PAK5: variants seen among roughly 807,000 people sequenced by gnomAD.
The protein encoded by PAK5 is serine/threonine-protein kinase PAK 5.
A neutral mutation model predicts 65.9 loss-of-function variants in PAK5; 16 were observed. The observed-to-expected ratio is 0.24, with a 90% CI of 0.16 to 0.37. The LOEUF is 0.37. Among genes scored for constraint, PAK5 ranks in the 10% least tolerant of loss-of-function variants. The pLI, the probability that PAK5 is intolerant of heterozygous loss-of-function variation, is 1.00. For synonymous variants in PAK5, 371 were observed against 354.9 expected (o/e 1.05, Z -0.51); for missense variants, 785 against 903.9 (o/e 0.87, Z 1.69).
rs901326429 is a variant in PAK5 at position 9,712,085 on chromosome 20, C to T, written c.-161-650G>A. ...ACACACGTGTTTTCTCCATAAGGCA[C>T]GTGACAGCCTATTGTGCTTAGGAAC... On this transcript the variant is annotated intron_variant, in intron 1 of 9. Transcript: ENST00000353224. 7.9e-5 allele frequency among the ~76,000 whole-genome samples: 12 copies of T among 152,160 alleles called. No individual in the cohort carries two copies. In the East Asian group the frequency reaches 9.6e-4, roughly 12 times the overall value.
chr20:9,828,213 A>G (rs987544084), intron 1 of PAK5, among the ~76,000 whole-genome samples: 1 of 152,234 alleles, frequency 6.6e-6, no homozygotes, highest in East Asian at 1.9e-4. Flanking sequence ...GAGATAGCAC[A>G]CAACCTGCAG....
intron 1 of PAK5, among the ~76,000 whole-genome samples, chr20:9,826,407 G>A (rs2049484988): frequency 6.6e-6 from 1 of 152,048 alleles, no homozygotes; most frequent in Non-Finnish European, 1.5e-5. Context: ...TGTTACCTAG[G>A]GGTTAGTAGG....
At chr20:9,679,814 A>C (rs777670639) in intron 2 of PAK5, among the ~76,000 whole-genome samples, 20 of 152,230 alleles carry the variant, frequency 1.3e-4, no homozygotes, top group Non-Finnish European at 2.6e-4. Flanking sequence ...TCATGTAATA[A>C]ACAGGGCTGG....
intron 3 of PAK5, among the ~76,000 whole-genome samples, chr20:9,632,821 GT>G (rs2046939432): frequency 1.3e-5 from 2 of 152,224 alleles, no homozygotes; most frequent in Admixed American, 6.5e-5. Context: ...GCACATAACA[GT>G]TTTTCATGCC....
At chr20:9,796,214 A>T (rs1052755264) in intron 1 of PAK5, among the ~76,000 whole-genome samples, 1 of 152,162 alleles carries the variant, frequency 6.6e-6, no homozygotes. Context: ...AAAAAGCAAA[A>T]ATGAACATAT....
chr20:9,583,261 C>T (rs530906966), intron 3 of PAK5, among the ~76,000 whole-genome samples: 1 of 152,314 alleles, frequency 6.6e-6, no homozygotes, highest in Non-Finnish European at 1.5e-5. Flanking sequence ...TCAAGTACCA[C>T]ATAATTCATT....
intron 1 of PAK5, among the ~76,000 whole-genome samples, chr20:9,765,712 T>A (rs753010076): frequency 3.9e-5 from 6 of 152,144 alleles, no homozygotes; most frequent in African/African-American, 1.4e-4. Flanking sequence ...TTGTTGAACA[T>A]TTAACAGCAC....
At chr20:9,706,968 CT>C (rs1437925665) in intron 2 of PAK5, among the ~76,000 whole-genome samples, 2 of 152,072 alleles carry the variant, frequency 1.3e-5, no homozygotes, top group Admixed American at 6.6e-5. Flanking sequence ...TGCAAATTAA[CT>C]TTTATTTTCT....
rs191899138 is a variant in PAK5, at chr20:9,823,001, A to G, written c.-162+15761T>C. Among the ~76,000 whole-genome samples, 16 of 152,332 alleles carry G rather than the reference A, an allele frequency of 1.1e-4. No homozygotes were observed. The East Asian group carries it at 2.1e-3, about 20-fold the overall frequency. ...AGATGTACATGTCCCTCTGAAATTC[A>G]CATGTTGGAACTTAAACCTGAAGGT... On this transcript the variant is annotated intron_variant, in intron 1 of 9. Coordinates refer to ENST00000353224, the MANE Select transcript of PAK5 (RefSeq NM_177990.4).
intron 4 of PAK5, among the ~76,000 whole-genome samples, chr20:9,570,468 G>T (rs1425063519): frequency 1.3e-5 from 2 of 152,234 alleles, no homozygotes; most frequent in African/African-American, 4.8e-5. Context: ...ACGTGTGTGT[G>T]TGAGTGTGTG....
intron 1 of PAK5, among the ~76,000 whole-genome samples, chr20:9,735,069 A>G (rs1261034665): frequency 7.2e-5 from 11 of 152,240 alleles, no homozygotes; most frequent in African/African-American, 2.4e-5. Flanking sequence ...TCTTTAAAAT[A>G]ACCCTACCAA....
chr20:9,547,402 G>GT (rs2045361390), intron 7 of PAK5, among the ~76,000 whole-genome samples: 1 of 152,178 alleles, frequency 6.6e-6, no homozygotes, highest in South Asian at 2.1e-4. Context: ...TACCTGCCAG[G>GT]TAACACTTTA....
chr20:9,654,376 A>T (rs528646462), intron 2 of PAK5, among the ~76,000 whole-genome samples: 46 of 152,200 alleles, frequency 3.0e-4, no homozygotes, highest in African/African-American at 1.1e-3. Context: ...CCTATTTTAA[A>T]GTTATCTTAT....
At chr20:9,559,721 C>T (rs936111516) in intron 6 of PAK5, among the ~76,000 whole-genome samples, 1 of 152,076 alleles carries the variant, frequency 6.6e-6, no homozygotes, top group African/African-American at 2.4e-5. Flanking sequence ...GGAGATAGCG[C>T]CTCTGCATTC....
chr20:9,726,574 G>A (rs1007692415), intron 1 of PAK5, among the ~76,000 whole-genome samples: 1 of 152,086 alleles, frequency 6.6e-6, no homozygotes, highest in Non-Finnish European at 1.5e-5. Context: ...TGAGTACAGG[G>A]ATTTTTTTTA....
intron 1 of PAK5, among the ~76,000 whole-genome samples, chr20:9,758,698 T>A (rs111262653): frequency 5.9e-5 from 9 of 152,180 alleles, no homozygotes; most frequent in African/African-American, 1.9e-4. Flanking sequence ...GAGTCTAGGT[T>A]GTTAAATATT....
In PAK5 at chr20:9,553,271, C is replaced by T. The variant is rs573072046; in HGVS notation, c.1743+4337G>A. 5.3e-5 allele frequency among the ~76,000 whole-genome samples: 8 copies of T among 152,224 alleles called. No individual in the cohort carries two copies. The South Asian group carries it at 1.7e-3, about 32-fold the overall frequency. ...AACTAGTCAGCTAACCAAGGGAAGG[C>T]TAGTTACCCGGTGAGTTACTACGGT... is the stretch of plus-strand genomic sequence containing the variant. On this transcript the variant is annotated intron_variant, in intron 7 of 9. Transcript: ENST00000353224.
At chr20:9,788,433 G>A (rs1228427267) in intron 1 of PAK5, among the ~76,000 whole-genome samples, 1 of 152,028 alleles carries the variant, frequency 6.6e-6, no homozygotes, top group Non-Finnish European at 1.5e-5. Context: ...TTACCACCCA[G>A]ATTCTAAACA....
intron 2 of PAK5, among the ~76,000 whole-genome samples, chr20:9,684,387 G>A (rs1303713219): frequency 6.6e-6 from 1 of 152,218 alleles, no homozygotes; most frequent in Non-Finnish European, 1.5e-5. Flanking sequence ...GTTTGTTATA[G>A]TGATGTGCCT....
Sources: allele counts gnomAD v4.1 joint callset (sites outside exome capture counted in the v4.1 genomes callset), GRCh38; gene constraint gnomAD v4.1.1; transcripts MANE v1.5; gene names NCBI Gene and HGNC (gene_info 2026-07-23, HGNC 2026-07-21).